Variants in CELF1 observed in about 807,000 individuals in gnomAD.
The protein encoded by CELF1 is CUGBP Elav-like family member 1, also known as 50 kDa nuclear polyadenylated RNA-binding protein.
A neutral mutation model predicts 61.8 loss-of-function variants in CELF1; 10 were observed. That is an observed-to-expected ratio of 0.16 (90% CI 0.10 to 0.27). CELF1 has a LOEUF of 0.27. Among genes scored for constraint, CELF1 ranks in the 10% least tolerant of loss-of-function variants. CELF1 has a pLI of 1.00. For synonymous variants in CELF1, 236 were observed against 225.1 expected, an observed-to-expected ratio of 1.05 and a Z score of -0.43; for missense variants, 380 against 639.1, an observed-to-expected ratio of 0.59 and a Z score of 4.37.
intron 1 of CELF1, among the ~76,000 whole-genome samples, chr11:47,513,412 T>TC (rs375540889): frequency 0.033 from 4,999 of 151,812 alleles, 285 homozygotes; most frequent in African/African-American, 0.12. Flanking sequence ...TTGGGGGTTT[T>TC]CCCCCCTGAA....
intron 1 of CELF1, among the ~76,000 whole-genome samples, chr11:47,520,932 T>G (rs2095853382): frequency 6.6e-6 from 1 of 152,140 alleles, no homozygotes. Context: ...ACTTGTTACT[T>G]GGCTTGCTGT....
At chr11:47,495,805 T>C (rs1457176336) in intron 3 of CELF1, 2 of 178,774 alleles carry the variant, frequency 1.1e-5, no homozygotes, top group Non-Finnish European at 2.2e-5. Flanking sequence ...CATCTGTTCC[T>C]TGCAGCCAAA....
chr11:47,489,935 G>GTTGTTTT (rs1555170252), intron 3 of CELF1, among the ~76,000 whole-genome samples: 1 of 48,226 alleles, frequency 2.1e-5, no homozygotes, highest in African/African-American at 7.8e-5. Context: ...ATACCATCTT[G>GTTGTTTT]TTTTTTTTTT....
At chr11:47,489,955 T>TTTTTTTTTTTTTTTTTTTTTTTTTTTTGG (rs71042675) in intron 3 of CELF1, among the ~76,000 whole-genome samples, 1 of 141,284 alleles carries the variant, frequency 7.1e-6, no homozygotes, top group Admixed American at 7.3e-5. Context: ...TTTTTTTTTT[T>TTTTTTTTTTTTTTTTTTTTTTTTTTTTGG]GAGACGGAAT....
In CELF1 at chr11:47,501,462, A is replaced by T. The variant is rs543032811; in HGVS notation, c.-153-530T>A. Among the ~76,000 whole-genome samples, 8 of 152,308 alleles carry T rather than the reference A, an allele frequency of 5.3e-5. 1 individual carries two copies. The South Asian group carries it at 1.7e-3, about 32-fold the overall frequency. ...CAAAGAATAACTGAGTCGACAACCAAATTAGATCTTTTAGTGCAAGAATTC... is the reference window on the plus strand; with the variant it reads ...CAAAGAATAACTGAGTCGACAACCATATTAGATCTTTTAGTGCAAGAATTC... On this transcript the variant is annotated intron_variant, in intron 1 of 14. Coordinates refer to ENST00000687097, the MANE Select transcript of CELF1 (RefSeq NM_001376376.1).
chr11:47,489,935 G>GTTCTTTT (rs1555170252), intron 3 of CELF1, among the ~76,000 whole-genome samples: 1 of 48,226 alleles, frequency 2.1e-5, no homozygotes, highest in African/African-American at 7.8e-5. Flanking sequence ...ATACCATCTT[G>GTTCTTTT]TTTTTTTTTT....
chr11:47,535,900 T>G (rs1242826666), intron 1 of CELF1, among the ~76,000 whole-genome samples: 2 of 151,458 alleles, frequency 1.3e-5, no homozygotes, highest in Non-Finnish European at 2.9e-5. Flanking sequence ...GTAGCTGGGA[T>G]TACAGGCGTG....
chr11:47,535,010 G>A (rs1162242284), intron 1 of CELF1, among the ~76,000 whole-genome samples: 1 of 151,966 alleles, frequency 6.6e-6, no homozygotes, highest in Non-Finnish European at 1.5e-5. Flanking sequence ...TTTTCCCTAA[G>A]TTGGAAGCTT....
chr11:47,475,648 TC>T, intron 12 of CELF1, 127 bp from the exon 13 acceptor site: 2 of 875,660 alleles, frequency 2.3e-6, no homozygotes, highest in African/African-American at 1.7e-5. Flanking sequence ...TCTTAGTTTC[TC>T]CCTGAGAAGA....
rs996221794 is a variant in CELF1 at position 47,494,905 on chromosome 11, G to C, written c.71+4548C>G. ...GTGGCTACTGTATGAGACAGAGACAGAACATTTTATAGTTGTTGTTGTTTT... is the reference window on the plus strand; with the variant it reads ...GTGGCTACTGTATGAGACAGAGACACAACATTTTATAGTTGTTGTTGTTTT... On this transcript the variant is annotated intron_variant, in intron 3 of 14. Coordinates refer to ENST00000687097, the MANE Select transcript of CELF1 (RefSeq NM_001376376.1). Among the ~76,000 whole-genome samples, 5 of 152,218 alleles carry C rather than the reference G, an allele frequency of 3.3e-5. No individual in the cohort carries two copies. In the East Asian group the frequency reaches 9.6e-4, roughly 29 times the overall value.
intron 1 of CELF1, among the ~76,000 whole-genome samples, chr11:47,518,041 T>C (rs1268604936): frequency 6.6e-6 from 1 of 152,068 alleles, no homozygotes; most frequent in Non-Finnish European, 1.5e-5. Context: ...AACCCATAAG[T>C]CCATTCCTAC....
At chr11:47,478,978 C>T (rs2081462874) in intron 9 of CELF1, 26 bp from the exon 10 acceptor site, 1 of 1,592,472 alleles carries the variant, frequency 6.3e-7, no homozygotes, top group Non-Finnish European at 8.6e-7. Flanking sequence ...AAAAACAGAA[C>T]AAGAGTGAGA....
Position 47,474,754 on chromosome 11 carries a change from C to G in CELF1, c.1273+582G>C, listed in dbSNP as rs144702806. ...CTGAGCACAGAGGTGTCAGCAGGAC[C>G]TTCTATTCATGTAAGTCACCTTCAG... On this transcript the variant is annotated intron_variant, in intron 13 of 14. Coordinates refer to ENST00000687097, the MANE Select transcript of CELF1 (RefSeq NM_001376376.1). Among the ~76,000 whole-genome samples the G allele has an allele frequency of 1.9e-4, 29 of 152,298 alleles. No individual in the cohort carries two copies. The East Asian group carries it at 5.2e-3, about 27-fold the overall frequency.
chr11:47,564,041 C>G (rs762565712), intron 2 of CELF1, among the ~76,000 whole-genome samples: 21 of 149,218 alleles, frequency 1.4e-4, no homozygotes, highest in Non-Finnish European at 2.2e-4. Flanking sequence ...CCACCAGATG[C>G]TTGGGCCGGG....
chr11:47,475,240 C>A (rs1382902022), intron 13 of CELF1, 96 bp downstream of exon 13: 1 of 1,134,436 alleles, frequency 8.8e-7, no homozygotes, highest in African/African-American at 1.5e-5. Flanking sequence ...GGTCTGACGA[C>A]CTAACTGGTT....
Position 47,478,866 on chromosome 11 carries a change from G to GA in CELF1, c.844+10dup, listed in dbSNP as rs758803443. 94 of 1,608,898 alleles carry GA rather than the reference G, an allele frequency of 5.8e-5. No homozygotes were observed. Among genetic ancestry groups the GA allele is most frequent in the Middle Eastern group, 3.3e-4 (2 of 5,986 alleles). On this transcript the variant is annotated intron_variant, in intron 10 of 14. Coordinates refer to ENST00000687097, the MANE Select transcript of CELF1 (RefSeq NM_001376376.1). ...GGTGCTGCTGCTCCTCTGCAGCAGT[G>GA]AAACACTTACCTCCCATTGGGTGGA...
chr11:47,551,069 G>GT (rs1304826814), intron 1 of CELF1, among the ~76,000 whole-genome samples: 2 of 151,548 alleles, frequency 1.3e-5, no homozygotes, highest in African/African-American at 2.4e-5. Context: ...CCTTGGGCAA[G>GT]TAAGTCACTT....
chr11:47,564,171 CA>C (rs779009192), intron 2 of CELF1, among the ~76,000 whole-genome samples: 1,074 of 62,972 alleles, frequency 0.017, 15 homozygotes, highest in African/African-American at 0.058. Flanking sequence ...ACTAAAAATA[CA>C]AAAAAAAAAA....
intron 1 of CELF1, chr11:47,523,364 G>A (rs568498372): frequency 2.2e-4 from 33 of 152,326 alleles, no homozygotes; most frequent in African/African-American, 7.0e-4. Flanking sequence ...ACAGTAAAAT[G>A]AGAAGGGCAC....
Sources: gnomAD v4.1 joint callset for allele counts (sites outside exome capture counted in the v4.1 genomes callset) on GRCh38, gnomAD v4.1.1 for gene constraint, MANE v1.5 for transcripts, NCBI Gene and HGNC (gene_info 2026-07-23, HGNC 2026-07-21) for gene names.